XRCC5: variants seen among roughly 807,000 people sequenced by gnomAD.
The protein encoded by XRCC5 is X-ray repair cross complementing 5, also known as DNA repair protein Ku80.
Under a neutral mutation model 95.7 loss-of-function variants are expected in XRCC5, and 12 were observed. The ratio of observed to expected loss-of-function variants is 0.13; its 90% confidence interval spans 0.08 to 0.20. XRCC5 has a LOEUF of 0.20. XRCC5 is among the 10% of genes least tolerant of loss of function. XRCC5 has a pLI of 1.00. For synonymous variants in XRCC5, 281 were observed against 290.3 expected, an observed-to-expected ratio of 0.97 and a Z score of 0.33; for missense variants, 595 against 873.9, an observed-to-expected ratio of 0.68 and a Z score of 4.02.
intron 16 of XRCC5, among the ~76,000 whole-genome samples, chr2:216,187,428 T>G (rs1689514839): frequency 6.6e-6 from 1 of 150,994 alleles, no homozygotes. Context: ...GGTATTTATT[T>G]TTGTTTCTTT....
At chr2:216,141,147 A>T in intron 12 of XRCC5, 39 bp from the exon 13 acceptor site, 1 of 1,610,392 alleles carries the variant, frequency 6.2e-7, no homozygotes, top group Non-Finnish European at 8.5e-7. Flanking sequence ...GTGGAGAATA[A>T]TGGAAATAAT....
At chr2:216,193,146 A>G (rs900321076) in intron 18 of XRCC5, among the ~76,000 whole-genome samples, 21 of 152,046 alleles carry the variant, frequency 1.4e-4, no homozygotes, top group African/African-American at 4.6e-4. Context: ...GCTACTTTTC[A>G]TTTACCATGT....
chr2:216,127,717 C>T, intron 8 of XRCC5, 43 bp downstream of exon 8: 3 of 1,545,696 alleles, frequency 1.9e-6, no homozygotes, highest in Non-Finnish European at 2.6e-6. Flanking sequence ...AAGACATTTT[C>T]TTCAACATGA....
At chr2:216,117,494 TTAAA>T in intron 3 of XRCC5, 1 of 476,698 alleles carries the variant, frequency 2.1e-6, no homozygotes, top group Non-Finnish European at 3.8e-6. Flanking sequence ...TAATTTTTGG[TTAAA>T]TGAATGCAAT....
rs116669483 is a variant in XRCC5, at chr2:216,114,382, C to T, written c.135+1253C>T. Among the ~76,000 whole-genome samples the T allele has an allele frequency of 8.1e-3, 1,234 of 151,966 alleles. 18 individuals carry two copies. Among genetic ancestry groups the T allele is most frequent in the African/African-American group, 0.029 (1,184 of 41,386 alleles). On this transcript the variant is annotated intron_variant, in intron 2 of 20. Transcript: ENST00000392132. ...TTTAAAAATCTTGATGACCTGGAGTCCTTGAGGTGTTGTGTCAAGGAAGGT... is the reference window on the plus strand; with the variant it reads ...TTTAAAAATCTTGATGACCTGGAGTTCTTGAGGTGTTGTGTCAAGGAAGGT...
At chr2:216,143,599 T>C (rs1216697317) in intron 13 of XRCC5, among the ~76,000 whole-genome samples, 1 of 152,186 alleles carries the variant, frequency 6.6e-6, no homozygotes. Flanking sequence ...TTAATGTGGC[T>C]TATCTATATA....
At chr2:216,184,767 C>T (rs750748092) in intron 16 of XRCC5, among the ~76,000 whole-genome samples, 28 of 152,240 alleles carry the variant, frequency 1.8e-4, no homozygotes, top group Non-Finnish European at 3.8e-4. Context: ...AGGCTTGAGC[C>T]GCTGGGCCCA....
intron 6 of XRCC5, among the ~76,000 whole-genome samples, chr2:216,124,055 A>T (rs1005302794): frequency 6.6e-6 from 1 of 152,228 alleles, no homozygotes; most frequent in Non-Finnish European, 1.5e-5. Flanking sequence ...TACATTTTAA[A>T]ATTGAGTCCC....
chr2:216,175,600 G>C, intron 16 of XRCC5: 1 of 392,784 alleles, frequency 2.5e-6, no homozygotes, highest in South Asian at 2.0e-5. Flanking sequence ...ATAGTTTTCA[G>C]AGTAATTTCT....
At chr2:216,151,544 C>T (rs1559248618) in intron 14 of XRCC5, among the ~76,000 whole-genome samples, 1 of 152,202 alleles carries the variant, frequency 6.6e-6, no homozygotes, top group Non-Finnish European at 1.5e-5. Flanking sequence ...CCTTGCTCTG[C>T]AGTGTGGCCT....
Position 216,171,293 on chromosome 2 carries a change from A to C in XRCC5, c.1834+9245A>C, listed in dbSNP as rs541404816. The stretch of plus-strand genomic sequence containing the variant: ...GTGGCAAGTGTAATTTGGTACAGTT[A>C]GCCTGTCAGATCCATGCGTGTCTAC... On this transcript the variant is annotated intron_variant, in intron 16 of 20. Coordinates refer to ENST00000392132, the MANE Select transcript of XRCC5 (RefSeq NM_021141.4). Among the ~76,000 whole-genome samples, 24 of 152,368 alleles carry C rather than the reference A, an allele frequency of 1.6e-4. No homozygotes were observed. The South Asian group carries it at 4.6e-3, about 29-fold the overall frequency.
intron 12 of XRCC5, 21 bp from the exon 13 acceptor site, chr2:216,141,165 C>A (rs778149406): frequency 3.7e-6 from 6 of 1,607,490 alleles, no homozygotes; most frequent in Non-Finnish European, 5.1e-6. Flanking sequence ...AATCATTTTT[C>A]TTTCGGCTTC....
At chr2:216,127,396 T>C (rs1696916296) in intron 7 of XRCC5, 140 bp from the exon 8 acceptor site, 3 of 882,338 alleles carry the variant, frequency 3.4e-6, no homozygotes, top group Admixed American at 3.2e-5. Flanking sequence ...ATTTTCATAA[T>C]AGGCATGAGC....
chr2:216,143,182 G>A (rs753192023), intron 13 of XRCC5, among the ~76,000 whole-genome samples: 19 of 152,114 alleles, frequency 1.2e-4, no homozygotes, highest in East Asian at 5.8e-4. Context: ...AATGAGTATC[G>A]CTTTCACACT....
intron 13 of XRCC5, among the ~76,000 whole-genome samples, chr2:216,142,120 G>A (rs1697182542): frequency 1.3e-5 from 2 of 152,042 alleles, no homozygotes; most frequent in African/African-American, 4.8e-5. Flanking sequence ...ATTCTGAGTA[G>A]ATGGGACTCC....
At chr2:216,174,249 C>A (rs1689227816) in intron 16 of XRCC5, among the ~76,000 whole-genome samples, 1 of 152,228 alleles carries the variant, frequency 6.6e-6, no homozygotes, top group African/African-American at 2.4e-5. Context: ...ATACCAAATC[C>A]TATTAATCTA....
intron 13 of XRCC5, among the ~76,000 whole-genome samples, chr2:216,141,567 C>T (rs4077258): frequency 0.57 from 28,309 of 49,644 alleles, 6,719 homozygotes; most frequent in East Asian, 0.68. Flanking sequence ...TTTTTTTTTT[C>T]CTGGAAGAAG....
intron 13 of XRCC5, among the ~76,000 whole-genome samples, chr2:216,143,873 A>AT (rs5838569): frequency 0.05 from 7,328 of 145,340 alleles, 560 homozygotes; most frequent in African/African-American, 0.17. Context: ...CGCCCGGCTA[A>AT]TTTTTTTTTT....
At chr2:216,142,063 A>G (rs887634268) in intron 13 of XRCC5, among the ~76,000 whole-genome samples, 1 of 151,974 alleles carries the variant, frequency 6.6e-6, no homozygotes, top group Admixed American at 6.6e-5. Context: ...TTAAAAAAAA[A>G]GAAAAAAAAA....
Sources: allele counts gnomAD v4.1 joint callset (sites outside exome capture counted in the v4.1 genomes callset), GRCh38; gene constraint gnomAD v4.1.1; transcripts MANE v1.5; gene names NCBI Gene and HGNC (gene_info 2026-07-23, HGNC 2026-07-21).